Variants in SGCZ observed in about 807,000 individuals in gnomAD.
SGCZ encodes the protein sarcoglycan zeta, also known as zeta-sarcoglycan.
A neutral mutation model predicts 41.3 loss-of-function variants in SGCZ; 40 were observed. The observed-to-expected ratio is 0.97, with a 90% CI of 0.75 to 1.26. The LOEUF (loss-of-function observed/expected upper bound fraction) is 1.26, where lower values mean the gene tolerates loss of function less well. SGCZ is among the 50% of genes most tolerant of loss of function. The pLI, the probability that SGCZ is intolerant of heterozygous loss-of-function variation, is 0.00. For synonymous variants in SGCZ, 206 were observed against 137.5 expected (o/e 1.50, Z -3.49); for missense variants, 552 against 369.8 (o/e 1.49, Z -4.04).
intron 2 of SGCZ, among the ~76,000 whole-genome samples, chr8:14,527,939 A>T (rs758611761): frequency 1.3e-5 from 2 of 152,070 alleles, no homozygotes; most frequent in Non-Finnish European, 2.9e-5. Context: ...ATGCAAAAAC[A>T]TACTGTGAGC....
At chr8:14,264,734 G>T (rs960412945) in intron 3 of SGCZ, among the ~76,000 whole-genome samples, 4 of 152,140 alleles carry the variant, frequency 2.6e-5, no homozygotes, top group African/African-American at 7.2e-5. Flanking sequence ...GTCCGAGGCG[G>T]GCGGATCACG....
chr8:14,565,754 G>A (rs73533191), intron 1 of SGCZ, among the ~76,000 whole-genome samples: 3 of 151,986 alleles, frequency 2.0e-5, no homozygotes, highest in Non-Finnish European at 4.4e-5. Flanking sequence ...ATATTGTCTT[G>A]TATTCTAACA....
At chr8:14,667,460 T>A (rs181762712) in intron 1 of SGCZ, among the ~76,000 whole-genome samples, 233 of 152,274 alleles carry the variant, frequency 1.5e-3, no homozygotes, top group African/African-American at 5.3e-3. Context: ...TCATAAAAGC[T>A]TGTCGTACCA....
chr8:14,262,318 C>T (rs972124064), intron 3 of SGCZ, among the ~76,000 whole-genome samples: 3 of 152,088 alleles, frequency 2.0e-5, no homozygotes, highest in Non-Finnish European at 4.4e-5. Context: ...ATTTCAGTTG[C>T]CTTACGTTGT....
intron 3 of SGCZ, among the ~76,000 whole-genome samples, chr8:14,292,935 C>G (rs979509979): frequency 4.0e-5 from 6 of 151,874 alleles, no homozygotes; most frequent in Non-Finnish European, 8.8e-5. Context: ...TTAGTAGAGT[C>G]AATGATGTAT....
rs374428093 is a variant in SGCZ at position 14,598,772 on chromosome 8, G to C, written c.40-43846C>G. ...CTCAAATTTCTGGGCTTAAGCAATC[G>C]CCTGACTTGGCCTCCCAACATGCTG... On this transcript the variant is annotated intron_variant, in intron 1 of 7. Transcript: ENST00000382080. Among the ~76,000 whole-genome samples, 114 of 152,036 alleles carry C rather than the reference G, an allele frequency of 7.5e-4. 1 individual carries two copies. Among genetic ancestry groups the C allele is most frequent in the African/African-American group, 2.5e-3 (103 of 41,460 alleles).
intron 2 of SGCZ, among the ~76,000 whole-genome samples, chr8:14,437,024 C>G (rs557920663): frequency 6.6e-6 from 1 of 152,122 alleles, no homozygotes; most frequent in East Asian, 1.9e-4. Context: ...TTACCAGGAG[C>G]GGGTTAGACT....
chr8:15,231,922 T>A (rs571013087), intron 1 of SGCZ, among the ~76,000 whole-genome samples: 1 of 152,278 alleles, frequency 6.6e-6, no homozygotes, highest in African/African-American at 2.4e-5. Context: ...ATGCCCGGCC[T>A]AAAATGACGT....
At chr8:14,107,896 G>C (rs762031735) in intron 6 of SGCZ, among the ~76,000 whole-genome samples, 2 of 151,992 alleles carry the variant, frequency 1.3e-5, no homozygotes, top group Non-Finnish European at 2.9e-5. Flanking sequence ...TCCTACCTTG[G>C]CCTCCCAAAG....
intron 3 of SGCZ, among the ~76,000 whole-genome samples, chr8:14,290,022 C>A (rs890475711): frequency 6.6e-6 from 1 of 151,804 alleles, no homozygotes; most frequent in African/African-American, 2.4e-5. Flanking sequence ...AGCATTATCA[C>A]GAGAACAGCA....
At chr8:14,583,039 G>C (rs1186567016) in intron 1 of SGCZ, among the ~76,000 whole-genome samples, 1 of 150,554 alleles carries the variant, frequency 6.6e-6, no homozygotes, top group Admixed American at 6.6e-5. Context: ...TGGGATGGCT[G>C]GGTCAAATGG....
At chr8:15,113,803 TTC>T (rs985851830) in intron 1 of SGCZ, among the ~76,000 whole-genome samples, 7 of 152,160 alleles carry the variant, frequency 4.6e-5, no homozygotes, top group African/African-American at 1.7e-4. Flanking sequence ...CTCCCAGATT[TTC>T]TCAGTAAAAG....
At chr8:14,160,377 C>T (rs1804003020) in intron 5 of SGCZ, among the ~76,000 whole-genome samples, 1 of 152,152 alleles carries the variant, frequency 6.6e-6, no homozygotes, top group African/African-American at 2.4e-5. Context: ...ATTTAAGAGA[C>T]TTCCGTGTGT....
intron 2 of SGCZ, among the ~76,000 whole-genome samples, chr8:14,524,547 A>G (rs74379819): frequency 0.025 from 3,871 of 152,228 alleles, 118 homozygotes; most frequent in African/African-American, 0.07. Flanking sequence ...GAAGAGCTCA[A>G]TTACATGGGA....
At chr8:14,708,839 G>GTA (rs1375036116) in intron 1 of SGCZ, among the ~76,000 whole-genome samples, 3 of 151,666 alleles carry the variant, frequency 2.0e-5, no homozygotes, top group Non-Finnish European at 4.4e-5. Flanking sequence ...GTGTGTGTGT[G>GTA]TATTCAGCTT....
In SGCZ at chr8:14,895,792, G is replaced by A. The variant is rs546651243; in HGVS notation, c.40-340866C>T. Among the ~76,000 whole-genome samples the A allele has an allele frequency of 2.0e-5, 3 of 152,306 alleles. No individual in the cohort carries two copies. In the South Asian group the frequency reaches 6.2e-4, roughly 32 times the overall value. On this transcript the variant is annotated intron_variant, in intron 1 of 7. Transcript: ENST00000382080. Reference sequence around the variant, plus strand: ...TGGTTCCCAGCCCAAGCTACACACTGGAATAGCCTAAGAAGCTTTTTAAAA... The same window carrying A: ...TGGTTCCCAGCCCAAGCTACACACTAGAATAGCCTAAGAAGCTTTTTAAAA...
intron 2 of SGCZ, among the ~76,000 whole-genome samples, chr8:14,356,914 T>C (rs1286310742): frequency 6.6e-6 from 1 of 152,066 alleles, no homozygotes; most frequent in Non-Finnish European, 1.5e-5. Flanking sequence ...ATAAGTATTA[T>C]AATTTTGGCA....
intron 1 of SGCZ, among the ~76,000 whole-genome samples, chr8:14,566,958 C>T (rs1245947489): frequency 6.6e-6 from 1 of 152,204 alleles, no homozygotes; most frequent in Non-Finnish European, 1.5e-5. Context: ...CCACCGGCCC[C>T]GGGCAGTGAA....
intron 3 of SGCZ, among the ~76,000 whole-genome samples, chr8:14,299,920 T>G (rs1416129764): frequency 6.6e-6 from 1 of 152,018 alleles, no homozygotes; most frequent in African/African-American, 2.4e-5. Flanking sequence ...TAATAAGTAC[T>G]GCATTGCTGA....
Sources: allele counts gnomAD v4.1 joint callset (sites outside exome capture counted in the v4.1 genomes callset), GRCh38; gene constraint gnomAD v4.1.1; transcripts MANE v1.5; gene names NCBI Gene and HGNC (gene_info 2026-07-23, HGNC 2026-07-21).